Variants in RADIL observed in about 807,000 individuals in gnomAD.
RADIL encodes Rap associating with DIL domain.
Under a neutral mutation model 97.6 loss-of-function variants are expected in RADIL, and 99 were observed. The observed-to-expected ratio is 1.01, with a 90% CI of 0.86 to 1.20. The LOEUF is 1.20. Ranked by LOEUF, RADIL falls within the 50% of genes most tolerant of loss-of-function variation. The pLI is 0.00. For synonymous variants in RADIL, 803 were observed against 691.8 expected (o/e 1.16, Z -2.52); for missense variants, 1,765 against 1,498.9 (o/e 1.18, Z -2.93).
rs1784439676 is a variant in RADIL at position 4,879,413 on chromosome 7, G to A, written c.-64-1210C>T. Among the ~76,000 whole-genome samples the A allele has an allele frequency of 1.3e-5, 2 of 152,166 alleles. No individual in the cohort carries two copies. Among genetic ancestry groups the A allele is most frequent in the Admixed American group, 1.3e-4 (2 of 15,276 alleles). On this transcript the variant is annotated intron_variant, in intron 1 of 14. Coordinates refer to ENST00000399583, the MANE Select transcript of RADIL (RefSeq NM_018059.5). The surrounding 1 kb of genome is among the most constrained non-coding windows in gnomAD (Gnocchi z 4.1). ...TGGACTGCAAGGCAGGAAAATACTG[G>A]AAAACTGCGCACACATCTCCCCATT...
rs1386972715 is a variant in RADIL at position 4,799,652 on chromosome 7, G to A, written c.3100C>T (p.Leu1034Phe). Residue 1034 changes from leucine to phenylalanine, a missense_variant, in exon 14 of 15, where the codon CTC (leucine) becomes TTC (phenylalanine). By Grantham distance (22) the Leu-to-Phe change is conservative. Transcript: ENST00000399583. Reference sequence around the variant, plus strand: ...TACCTCAGGTAGCCAAGGCCCAGGAGGCTGCTGCCATTCACCTCCAGGATA... The same window carrying A: ...TACCTCAGGTAGCCAAGGCCCAGGAAGCTGCTGCCATTCACCTCCAGGATA... ...DRILEVNGSS[L>F]LGLGYLRAVD... 3 of 1,602,200 alleles carry A rather than the reference G, an allele frequency of 1.9e-6. No homozygotes were observed. The highest frequency in any genetic ancestry group is 1.7e-5 in the Admixed American group (1 of 58,044).
intron 11 of RADIL, among the ~76,000 whole-genome samples, chr7:4,802,215 G>A (rs1228216442): frequency 1.3e-5 from 2 of 152,224 alleles, no homozygotes; most frequent in African/African-American, 4.8e-5. Flanking sequence ...GGGGTTCCCA[G>A]AGCTCCCGCC....
At chr7:4,804,563 G>C (rs1782230235) in intron 10 of RADIL, among the ~76,000 whole-genome samples, 3 of 152,052 alleles carry the variant, frequency 2.0e-5, no homozygotes, top group African/African-American at 7.2e-5. Context: ...GGAGCAGGCA[G>C]ATCGCCTGAG....
chr7:4,799,342 G>C lies in RADIL; in HGVS notation c.*36C>G. ...AAGCCCAGTGTCACCAGGTGGGACC[G>C]GGTGCCGGGCCTGTGGGGGTGTCCT... On this transcript the variant is annotated 3_prime_UTR_variant, in exon 15 of 15. Transcript: ENST00000399583. The C allele has an allele frequency of 1.3e-6, 2 of 1,592,134 alleles. No individual in the cohort carries two copies. The highest frequency in any genetic ancestry group is 1.1e-5 in the South Asian group (1 of 90,606).
intron 5 of RADIL, among the ~76,000 whole-genome samples, chr7:4,823,254 G>A (rs1782883374): frequency 6.6e-6 from 1 of 151,832 alleles, no homozygotes; most frequent in Non-Finnish European, 1.5e-5. Flanking sequence ...TCAGGAGTTC[G>A]AGACCAGCCT....
rs1287555447 is a variant in RADIL, at chr7:4,821,815, C to T, written c.1615+579G>A. Reference sequence around the variant, plus strand: ...AGCTTGCAGTGAGCCAAGATCGCACCATTGCACTCCAGCCTGGGTGACAGA... The same window carrying T: ...AGCTTGCAGTGAGCCAAGATCGCACTATTGCACTCCAGCCTGGGTGACAGA... On this transcript the variant is annotated intron_variant, in intron 6 of 14. Transcript: ENST00000399583. The surrounding 1 kb of genome is among the most constrained non-coding windows in gnomAD (Gnocchi z 5.2). Among the ~76,000 whole-genome samples, 1 of 152,156 alleles carries T rather than the reference C, an allele frequency of 6.6e-6. No homozygotes were observed. The highest frequency in any genetic ancestry group is 1.5e-5 in the Non-Finnish European group (1 of 68,030).
chr7:4,805,369 G>A (rs992920528), intron 10 of RADIL, 197 bp downstream of exon 10: 18 of 572,454 alleles, frequency 3.1e-5, no homozygotes, highest in African/African-American at 2.3e-4. Context: ...CTCCCCCGCC[G>A]AGGAGGTCCC....
rs760240478 is a variant in RADIL, at chr7:4,835,108, G to T, written c.915C>A (p.Leu305=). 1.9e-6 allele frequency: 3 copies of T among 1,609,070 alleles called. No individual in the cohort carries two copies. In the African/African-American group the frequency reaches 4.0e-5, roughly 21 times the overall value. ...PLHCTIRRQP[L]PDSGQAAGRL... Reference sequence around the variant, plus strand: ...TCCCCGCGGCCTGGCCGCTGTCCGGGAGCGGTTGCCGGCGGATGGTGCAGT... The same window carrying T: ...TCCCCGCGGCCTGGCCGCTGTCCGGTAGCGGTTGCCGGCGGATGGTGCAGT... Residue 305 remains leucine (L), a synonymous_variant, in exon 4 of 15, where the codon CTC becomes CTA. Transcript: ENST00000399583. This position sits in a 1 kb window ranked among gnomAD's most constrained non-coding sequence, Gnocchi z 5.8.
In RADIL at chr7:4,798,224, A is replaced by T. The variant is rs1322010451; in HGVS notation, c.*1154T>A. The T allele has an allele frequency of 6.6e-6, 1 of 152,020 alleles. No individual in the cohort carries two copies. The highest frequency in any genetic ancestry group is 2.4e-5 in the African/African-American group (1 of 41,420). The allele number at this position is 152,020 out of a possible 1,614,324, so 9.4% of individuals were successfully genotyped here. ...CCAGGCGCAATGCGGAGCCGCACAC[A>T]GAACTGCGGGTCGGCAGAGGGCGCG... On this transcript the variant is annotated 3_prime_UTR_variant, in exon 15 of 15. Transcript: ENST00000399583.
rs187973329 is a variant in RADIL at position 4,868,174 on chromosome 7, T to G, written c.535+9431A>C. 1.1e-3 allele frequency among the ~76,000 whole-genome samples: 170 copies of G among 152,270 alleles called. 3 individuals carry two copies. The highest frequency in any genetic ancestry group is 9.3e-3 in the East Asian group (48 of 5,178). Reference sequence around the variant, plus strand: ...GCCTCCCGGGTTCATGCCATTCTCCTGCCTCAGCCTCCCGAGTAGCTGGGA... The same window carrying G: ...GCCTCCCGGGTTCATGCCATTCTCCGGCCTCAGCCTCCCGAGTAGCTGGGA... On this transcript the variant is annotated intron_variant, in intron 2 of 14. Transcript: ENST00000399583.
At chr7:4,859,850 C>T in intron 2 of RADIL, 1 of 1,338,566 alleles carries the variant, frequency 7.5e-7, no homozygotes. Context: ...TTTTGGTTTT[C>T]TTGGTCCTTT....
intron 2 of RADIL, among the ~76,000 whole-genome samples, chr7:4,862,307 G>C (rs1352790864): frequency 6.6e-6 from 1 of 152,262 alleles, no homozygotes; most frequent in Non-Finnish European, 1.5e-5. Context: ...ACCCTAGCGT[G>C]CACCCTTTGG....
chr7:4,865,637 A>C (rs1562456845), intron 2 of RADIL: 1 of 885,324 alleles, frequency 1.1e-6, no homozygotes, highest in Non-Finnish European at 1.9e-6. Flanking sequence ...CCCTCCACCA[A>C]GGTTCCCAGC....
intron 2 of RADIL, among the ~76,000 whole-genome samples, chr7:4,857,416 T>C (rs6948156): frequency 0.021 from 3,177 of 152,324 alleles, 103 homozygotes; most frequent in African/African-American, 0.072. Context: ...ATCAGGAAGT[T>C]TGGTCCATTT....
chr7:4,810,491 G>A (rs769652903), intron 9 of RADIL, among the ~76,000 whole-genome samples: 4 of 152,184 alleles, frequency 2.6e-5, no homozygotes, highest in Admixed American at 6.5e-5. Context: ...GCTCAGTCAC[G>A]TTGCTCTGCC....
intron 2 of RADIL, among the ~76,000 whole-genome samples, chr7:4,877,234 G>C (rs1784394826): frequency 6.6e-6 from 1 of 152,220 alleles, no homozygotes; most frequent in Non-Finnish European, 1.5e-5. Context: ...CTTGAGGGCA[G>C]GAGGTCAAGA....
At chr7:4,865,376 T>C (rs1431508003) in intron 2 of RADIL, 1 of 605,530 alleles carries the variant, frequency 1.7e-6, no homozygotes, top group Non-Finnish European at 3.0e-6. Flanking sequence ...TTTTTTGTTG[T>C]TGTTCCCAAG....
rs1375714330 is a variant in RADIL at position 4,800,247 on chromosome 7, T to C, written c.2906A>G (p.Glu969Gly). ...CACCGTGAAGACGTAGCAGAAGTCCTCGGTGCTGGAGCTGCGGCTGGACGG... is the reference window on the plus strand; with the variant it reads ...CACCGTGAAGACGTAGCAGAAGTCCCCGGTGCTGGAGCTGCGGCTGGACGG... ...PAPSSRSSST[E>G]DFCYVFTVEL... The change falls in exon 13 of 15, where the codon GAG (glutamate) becomes GGG (glycine). Residue 969 changes from glutamate (E) to glycine (G), a missense_variant. Coordinates refer to ENST00000399583, the MANE Select transcript of RADIL (RefSeq NM_018059.5). 1 of 1,585,672 alleles carries C rather than the reference T, an allele frequency of 6.3e-7. No homozygotes were observed.
intron 13 of RADIL, 69 bp from the exon 14 acceptor site, chr7:4,799,838 C>G (rs1330879806): frequency 4.9e-6 from 7 of 1,437,578 alleles, no homozygotes; most frequent in Non-Finnish European, 6.4e-6. Context: ...ACCACTGCAG[C>G]CCCTCCCTTG....
Sources: allele counts gnomAD v4.1 joint callset (sites outside exome capture counted in the v4.1 genomes callset), GRCh38; gene constraint gnomAD v4.1.1; non-coding constraint Gnocchi (gnomAD v3.1); transcripts MANE v1.5; gene names NCBI Gene and HGNC (gene_info 2026-07-23, HGNC 2026-07-21).